Variants in TTBK2 observed in about 807,000 individuals in gnomAD.
TTBK2 encodes the protein tau-tubulin kinase 2.
A neutral mutation model predicts 110.8 loss-of-function variants in TTBK2; 28 were observed. That is an observed-to-expected ratio of 0.25 (90% CI 0.19 to 0.35). The LOEUF (loss-of-function observed/expected upper bound fraction) is 0.35. Ranked by LOEUF, TTBK2 falls within the 10% of genes least tolerant of loss-of-function variation. The pLI, the probability that TTBK2 is intolerant of heterozygous loss-of-function variation, is 1.00. For missense variants in TTBK2, 1,369 were observed against 1,500.3 expected (o/e 0.91, Z 1.45); for synonymous variants, 532 against 527.3 (o/e 1.01, Z -0.12).
At chr15:42,751,879 G>T in intron 14 of TTBK2, 95 bp downstream of exon 14, 1 of 1,424,554 alleles carries the variant, frequency 7.0e-7, no homozygotes. Flanking sequence ...TACTGAGAAG[G>T]GGGCAACACA....
chr15:42,817,015 C>A lies in TTBK2; in HGVS notation c.603+17G>T. The A allele has an allele frequency of 6.3e-7, 1 of 1,589,122 alleles. No individual in the cohort carries two copies. Among genetic ancestry groups the A allele is most frequent in the Non-Finnish European group, 8.6e-7 (1 of 1,164,774 alleles). ...TTAGCATACTTATACAGATATGACTCTAGTTCAGATACCTACCCTGTTCCG... is the reference window on the plus strand; with the variant it reads ...TTAGCATACTTATACAGATATGACTATAGTTCAGATACCTACCCTGTTCCG... On this transcript the variant is annotated intron_variant, in intron 7 of 14. Transcript: ENST00000267890.
At chr15:42,869,978 G>C (rs550647105) in intron 3 of TTBK2, among the ~76,000 whole-genome samples, 14 of 152,098 alleles carry the variant, frequency 9.2e-5, no homozygotes, top group African/African-American at 3.4e-4. Flanking sequence ...GGAGTTACTC[G>C]CCTGGCCAAC....
At chr15:42,802,142 C>G in intron 9 of TTBK2, 1 of 1,419,612 alleles carries the variant, frequency 7.0e-7, no homozygotes, top group Non-Finnish European at 9.9e-7. Context: ...TGCTTCTCCT[C>G]CTGGGTGCGC....
Position 42,920,660 on chromosome 15 carries a change from C to T in TTBK2, c.-290G>A. The T allele has an allele frequency of 6.4e-6, 1 of 156,644 alleles. No individual in the cohort carries two copies. Among genetic ancestry groups the T allele is most frequent in the Non-Finnish European group, 1.4e-5 (1 of 71,368 alleles). The allele number at this position is 156,644 out of a possible 1,614,324, so 9.7% of individuals were successfully genotyped here. On this transcript the variant is annotated 5_prime_UTR_variant, in exon 1 of 15. Coordinates refer to ENST00000267890, the MANE Select transcript of TTBK2 (RefSeq NM_173500.4). ...GCGGCGGCGGCGGCGGCTGCTGCTG[C>T]TGTTACTGCTGCTGCCGGCTCCCCC... is the stretch of plus-strand genomic sequence containing the variant.
At chr15:42,761,583 CAAAAA>C (rs201258034) in intron 13 of TTBK2, among the ~76,000 whole-genome samples, 1 of 104,282 alleles carries the variant, frequency 9.6e-6, no homozygotes. Context: ...TCTCAACAGC[CAAAAA>C]AAAAAAAAAG....
In TTBK2 at chr15:42,861,707, C is replaced by A. The variant is rs146942139; in HGVS notation, c.217+10904G>T. ...AGAAAAAAAAAGAGAACAAACTAATCCCAAAGCTAGCAAAAGAAAATAAAT... is the reference window on the plus strand; with the variant it reads ...AGAAAAAAAAAGAGAACAAACTAATACCAAAGCTAGCAAAAGAAAATAAAT... On this transcript the variant is annotated intron_variant, in intron 3 of 14. Coordinates refer to ENST00000267890, the MANE Select transcript of TTBK2 (RefSeq NM_173500.4). 5.6e-3 allele frequency among the ~76,000 whole-genome samples: 845 copies of A among 151,812 alleles called. 7 individuals carry two copies. The highest frequency in any genetic ancestry group is 0.019 in the African/African-American group (807 of 41,408).
intron 1 of TTBK2, chr15:42,908,336 T>C (rs2030535929): frequency 6.6e-6 from 1 of 152,138 alleles, no homozygotes; most frequent in Non-Finnish European, 1.5e-5. Flanking sequence ...TCAGGTGTGG[T>C]GGTGTGCATC....
intron 7 of TTBK2, among the ~76,000 whole-genome samples, chr15:42,815,954 A>ATAT (rs1393860735): frequency 0.035 from 1,886 of 53,316 alleles, 92 homozygotes; most frequent in African/African-American, 0.084. Flanking sequence ...ATATTTAAAA[A>ATAT]AAAAATATAT....
At chr15:42,806,883 ATTC>A (rs1407486310) in intron 9 of TTBK2, among the ~76,000 whole-genome samples, 16 of 152,068 alleles carry the variant, frequency 1.1e-4, no homozygotes, top group African/African-American at 3.9e-4. Context: ...GCCCAAGACA[ATTC>A]TTCTTCTTCC....
chr15:42,781,804 T>C (rs900221824), intron 11 of TTBK2, among the ~76,000 whole-genome samples: 2 of 152,180 alleles, frequency 1.3e-5, no homozygotes, highest in Non-Finnish European at 2.9e-5. Flanking sequence ...TCTGCTTTTA[T>C]GGAATCTAAC....
chr15:42,824,918 G>T (rs528743754), intron 6 of TTBK2, among the ~76,000 whole-genome samples: 5 of 151,502 alleles, frequency 3.3e-5, no homozygotes, highest in Non-Finnish European at 7.4e-5. Context: ...TCAAATCAGG[G>T]GAAAAAGCAA....
intron 3 of TTBK2, among the ~76,000 whole-genome samples, chr15:42,856,054 C>T (rs1031270911): frequency 5.9e-5 from 9 of 152,092 alleles, no homozygotes; most frequent in Non-Finnish European, 8.8e-5. Flanking sequence ...TCCTGTCCTT[C>T]CTATACTAAC....
Position 42,775,514 on chromosome 15 carries a change from A to G in TTBK2, c.1619T>C (p.Leu540Pro). 6.2e-7 allele frequency: 1 copy of G among 1,614,198 alleles called. No homozygotes were observed. The highest frequency in any genetic ancestry group is 8.5e-7 in the Non-Finnish European group (1 of 1,180,022). ...ATCAATTTCTTGCTTGCAAGAGCTC[A>G]GGTTAACAGCTATAAATCCATTGCT... Reference protein sequence around the residue: ...GGSNGFIAVNLSSCKQEIDSK... With the variant: ...GGSNGFIAVNPSSCKQEIDSK... Residue 540 changes from leucine to proline, a missense_variant, in exon 13 of 15, where the codon CTG (leucine) becomes CCG (proline). By Grantham distance (98) the Leu-to-Pro change is moderately conservative. Around this residue, in one of 4 missense-constraint regions of TTBK2, gnomAD observed 1,097 missense variants for 1,114.7 expected, o/e 0.98. Coordinates refer to ENST00000267890, the MANE Select transcript of TTBK2 (RefSeq NM_173500.4).
intron 1 of TTBK2, among the ~76,000 whole-genome samples, chr15:42,907,188 G>C (rs1012605383): frequency 6.6e-6 from 1 of 152,162 alleles, no homozygotes; most frequent in Non-Finnish European, 1.5e-5. Flanking sequence ...ACAAATGCTG[G>C]CAAGGATATG....
At chr15:42,899,597 G>A (rs1240699049) in intron 1 of TTBK2, among the ~76,000 whole-genome samples, 6 of 152,056 alleles carry the variant, frequency 3.9e-5, no homozygotes, top group South Asian at 2.1e-4. Context: ...GAAATTAGCC[G>A]GGCGTGGTGG....
chr15:42,862,964 G>T (rs1410555240), intron 3 of TTBK2, among the ~76,000 whole-genome samples: 7 of 152,220 alleles, frequency 4.6e-5, no homozygotes, highest in Admixed American at 3.9e-4. Flanking sequence ...ACATCATACT[G>T]AATGGGTAAA....
chr15:42,779,960 C>CA (rs1434374960), intron 11 of TTBK2, among the ~76,000 whole-genome samples: 4 of 151,832 alleles, frequency 2.6e-5, no homozygotes, highest in Non-Finnish European at 5.9e-5. Flanking sequence ...GCCTAGGTGA[C>CA]AGAGCGAGAC....
intron 2 of TTBK2, among the ~76,000 whole-genome samples, chr15:42,874,034 G>T (rs781701238): frequency 1.1e-4 from 16 of 152,040 alleles, no homozygotes; most frequent in Admixed American, 1.3e-4. Flanking sequence ...ACTTTACCAG[G>T]CCATACCTCA....
At position 42,810,629 on chromosome 15, in the gene TTBK2, T is replaced by G; in HGVS notation, c.807A>C (p.Thr269=). 6.2e-7 allele frequency: 1 copy of G among 1,613,978 alleles called. No homozygotes were observed. The highest frequency in any genetic ancestry group is 8.5e-7 in the Non-Finnish European group (1 of 1,179,916). ...LDHISSLDYF[T]KPDYQLLTSV... is the part of the protein sequence containing the mutation. ...AGATGGTTACCTGGTAGTCTGGTTT[T>G]GTAAAATAATCCAAAGAAGAGATAT... Residue 269 remains threonine (T), a synonymous_variant, in exon 9 of 15, where the codon ACA becomes ACC. Transcript: ENST00000267890.
Sources: allele counts gnomAD v4.1 joint callset (sites outside exome capture counted in the v4.1 genomes callset), GRCh38; gene constraint gnomAD v4.1.1; regional missense constraint gnomAD v4.1.1; transcripts MANE v1.5; gene names NCBI Gene and HGNC (gene_info 2026-07-23, HGNC 2026-07-21).